TTLL5: variants seen among roughly 807,000 people sequenced by gnomAD.
The protein encoded by TTLL5 is tubulin polyglutamylase TTLL5.
Under a neutral mutation model 168.4 loss-of-function variants are expected in TTLL5, and 132 were observed. The observed-to-expected ratio is 0.78, with a 90% CI of 0.68 to 0.91. The LOEUF is 0.91. Among genes scored for constraint, TTLL5 ranks in the 40% least tolerant of loss-of-function variants. The pLI, the probability that TTLL5 is intolerant of heterozygous loss-of-function variation, is 0.00. For missense variants in TTLL5, 1,545 were observed against 1,581.5 expected (o/e 0.98, Z 0.39); for synonymous variants, 546 against 558.6 (o/e 0.98, Z 0.32).
intron 5 of TTLL5, chr14:75,683,884 C>T (rs1884822308): frequency 2.7e-6 from 1 of 375,284 alleles, no homozygotes; most frequent in African/African-American, 2.1e-5. Context: ...AGCAATTCTC[C>T]TGCCTCAGCC....
intron 10 of TTLL5, among the ~76,000 whole-genome samples, chr14:75,718,845 A>G (rs951900414): frequency 1.3e-5 from 2 of 152,184 alleles, no homozygotes; most frequent in African/African-American, 4.8e-5. Flanking sequence ...GTTACTTTCT[A>G]CTCAGACTAA....
At chr14:75,836,178 G>A (rs1408037072) in intron 28 of TTLL5, among the ~76,000 whole-genome samples, 1 of 152,094 alleles carries the variant, frequency 6.6e-6, no homozygotes, top group Non-Finnish European at 1.5e-5. Context: ...AAGAAAATGT[G>A]ATACATACAC....
chr14:75,836,005 A>G (rs949611847), intron 28 of TTLL5, among the ~76,000 whole-genome samples: 2 of 152,234 alleles, frequency 1.3e-5, no homozygotes, highest in African/African-American at 4.8e-5. Flanking sequence ...AACTAAAAAT[A>G]GAGCTACCAT....
intron 30 of TTLL5, among the ~76,000 whole-genome samples, chr14:75,887,748 C>T (rs1411236112): frequency 1.3e-5 from 2 of 152,156 alleles, no homozygotes; most frequent in East Asian, 3.8e-4. Flanking sequence ...AATGGCAGAT[C>T]AATTATCCTA....
At position 75,683,556 on chromosome 14, in the gene TTLL5, C is replaced by T; in HGVS notation, c.271C>T (p.Pro91Ser). 1 of 1,613,554 alleles carries T rather than the reference C, an allele frequency of 6.2e-7. No individual in the cohort carries two copies. Among genetic ancestry groups the T allele is most frequent in the South Asian group, 1.1e-5 (1 of 91,030 alleles). ...TCTTTCTGTCTGCCCTCAGGTTCAC[C>T]CAAGCAGCACTGACTATAACCTAAT... ...LTAHGFHEVH[P>S]SSTDYNLMWT... is the part of the protein sequence containing the mutation. The change falls in exon 5 of 32, where the codon CCA (proline) becomes TCA (serine). Residue 91 changes from proline (P) to serine (S), a missense_variant. Transcript: ENST00000298832.
chr14:75,706,972 A>C, intron 7 of TTLL5, 46 bp from the exon 8 acceptor site: 25 of 1,434,578 alleles, frequency 1.7e-5, no homozygotes, highest in Non-Finnish European at 2.3e-5. Flanking sequence ...GTAAATTAGG[A>C]TTCCTGTGTA....
chr14:75,733,492 C>G (rs1435514873), intron 13 of TTLL5, among the ~76,000 whole-genome samples: 1 of 151,786 alleles, frequency 6.6e-6, no homozygotes, highest in Non-Finnish European at 1.5e-5. Context: ...TGCAAGCCTG[C>G]AAGCCTAAGA....
At position 75,935,592 on chromosome 14, in the gene TTLL5, G is replaced by A. The variant is rs1463631598; in HGVS notation, c.3824-18832G>A. Among the ~76,000 whole-genome samples the A allele has an allele frequency of 3.3e-5, 5 of 152,330 alleles. No individual in the cohort carries two copies. In the South Asian group the frequency reaches 6.2e-4, roughly 19 times the overall value. The stretch of plus-strand genomic sequence containing the variant: ...CACTAAAAAGATGTGTTGGGATTTG[G>A]ATATTTCTATGGATTACCTAAAGAG... On this transcript the variant is annotated intron_variant, in intron 31 of 31. Coordinates refer to ENST00000298832, the MANE Select transcript of TTLL5 (RefSeq NM_015072.5).
chr14:75,924,783 T>A (rs1485138553), intron 31 of TTLL5, among the ~76,000 whole-genome samples: 1 of 151,952 alleles, frequency 6.6e-6, no homozygotes, highest in African/African-American at 2.4e-5. Context: ...CGGCCCGCTC[T>A]CAATGAGCTG....
chr14:75,889,207 T>C (rs976483525), intron 30 of TTLL5, among the ~76,000 whole-genome samples: 1 of 151,918 alleles, frequency 6.6e-6, no homozygotes, highest in Non-Finnish European at 1.5e-5. Context: ...CTGCAGAAAA[T>C]TGAATTCGCA....
intron 27 of TTLL5, among the ~76,000 whole-genome samples, chr14:75,797,135 G>A (rs1488303624): frequency 1.3e-5 from 2 of 151,956 alleles, no homozygotes; most frequent in African/African-American, 2.4e-5. Context: ...GGTCTTTCAC[G>A]TCCTTGGTTA....
At chr14:75,822,148 G>A (rs2140418691) in intron 28 of TTLL5, among the ~76,000 whole-genome samples, 1 of 152,330 alleles carries the variant, frequency 6.6e-6, no homozygotes, top group African/African-American at 2.4e-5. Flanking sequence ...AACCTGCACA[G>A]CCCAATGTCC....
chr14:75,845,046 A>G (rs1043759283), intron 28 of TTLL5, among the ~76,000 whole-genome samples: 7 of 152,128 alleles, frequency 4.6e-5, no homozygotes, highest in Admixed American at 1.3e-4. Context: ...TCCAGTTGGC[A>G]AGTTACTGGT....
chr14:75,713,678 G>A (rs755383925), intron 9 of TTLL5, among the ~76,000 whole-genome samples: 76 of 152,218 alleles, frequency 5.0e-4, no homozygotes, highest in Non-Finnish European at 9.4e-4. Context: ...TACATTCACT[G>A]AAGGAAGAGT....
chr14:75,704,180 A>G (rs1886478865), intron 7 of TTLL5, among the ~76,000 whole-genome samples: 1 of 152,206 alleles, frequency 6.6e-6, no homozygotes, highest in African/African-American at 2.4e-5. Context: ...CTTAACCACT[A>G]TATCATTCTC....
chr14:75,662,034 C>T (rs1890765864), intron 1 of TTLL5, among the ~76,000 whole-genome samples: 1 of 152,118 alleles, frequency 6.6e-6, no homozygotes, highest in Admixed American at 6.5e-5. Context: ...ACACAACGAA[C>T]ATGTACTTTT....
chr14:75,805,739 GTTC>G (rs1413811132), intron 27 of TTLL5, among the ~76,000 whole-genome samples: 1 of 152,030 alleles, frequency 6.6e-6, no homozygotes. Flanking sequence ...GCCTCTTTTT[GTTC>G]TTCTCTATAT....
At chr14:75,924,374 C>T (rs1474324182) in intron 31 of TTLL5, among the ~76,000 whole-genome samples, 1 of 151,246 alleles carries the variant, frequency 6.6e-6, no homozygotes, top group Non-Finnish European at 1.5e-5. Context: ...GAGGGAAGGT[C>T]AGCAGATAAA....
At chr14:75,904,351 G>C in intron 31 of TTLL5, 1 of 777,986 alleles carries the variant, frequency 1.3e-6, no homozygotes, top group Non-Finnish European at 1.6e-6. Flanking sequence ...ATTTCTGTGA[G>C]ATACCCTATG....
Sources: allele counts gnomAD v4.1 joint callset (sites outside exome capture counted in the v4.1 genomes callset), GRCh38; gene constraint gnomAD v4.1.1; transcripts MANE v1.5; gene names NCBI Gene and HGNC (gene_info 2026-07-23, HGNC 2026-07-21).